Variants in WFS1 observed in about 807,000 individuals in gnomAD.
WFS1 encodes wolframin.
Under a neutral mutation model 68.5 loss-of-function variants are expected in WFS1, and 90 were observed. The ratio of observed to expected loss-of-function variants is 1.31; its 90% confidence interval spans 1.11 to 1.56. The LOEUF is 1.56. WFS1 is among the 40% of genes most tolerant of loss of function. WFS1 has a pLI of 0.00. For synonymous variants in WFS1, 860 were observed against 540.7 expected, an observed-to-expected ratio of 1.59 and a Z score of -8.19; for missense variants, 1,767 against 1,232.6, an observed-to-expected ratio of 1.43 and a Z score of -6.49.
Position 6,301,643 on chromosome 4 carries a change from C to T in WFS1, c.1848C>T (p.Ala616=), listed in dbSNP as rs750362420. Residue 616 remains alanine (A), a synonymous_variant, in exon 8 of 8, where the codon GCC becomes GCT. Coordinates refer to ENST00000226760, the MANE Select transcript of WFS1 (RefSeq NM_006005.3). ...TGCTGTTGCGCTGGTGGACCAAGGC[C>T]AGCTTCTCTGTGGTGGGGATGGTGA... ...VPLLLRWWTK[A]SFSVVGMVKS... 4 of 1,613,990 alleles carry T rather than the reference C, an allele frequency of 2.5e-6. No homozygotes were observed. Among genetic ancestry groups the T allele is most frequent in the African/African-American group, 1.3e-5 (1 of 74,950 alleles).
chr4:6,299,582 T>TGTGCAC (rs1730776460), intron 7 of WFS1, among the ~76,000 whole-genome samples: 1 of 48,028 alleles, frequency 2.1e-5, no homozygotes, highest in African/African-American at 8.6e-5. Context: ...TGTGTGTGAA[T>TGTGCAC]GTGTGTGTAG....
chr4:6,280,607 C>T (rs1358132401), intron 2 of WFS1, among the ~76,000 whole-genome samples: 2 of 152,320 alleles, frequency 1.3e-5, no homozygotes, highest in South Asian at 2.1e-4. Flanking sequence ...AGGGACAGGC[C>T]TGGTGCAGGT....
intron 2 of WFS1, among the ~76,000 whole-genome samples, 186 bp from the exon 3 acceptor site, chr4:6,286,907 G>A (rs1161562910): frequency 2.6e-5 from 4 of 152,202 alleles, no homozygotes; most frequent in African/African-American, 9.7e-5. Context: ...GCTTGTGACC[G>A]GAAGGCAAAC....
rs1184399381 is a variant in WFS1 at position 6,287,737 on chromosome 4, G to A, written c.315+562G>A. On this transcript the variant is annotated intron_variant, in intron 3 of 7. Coordinates refer to ENST00000226760, the MANE Select transcript of WFS1 (RefSeq NM_006005.3). This position sits in a 1 kb window ranked among gnomAD's most constrained non-coding sequence, Gnocchi z 6.4. ...CAGTGATTTTGAATTCTGGTGAGGGGAGAAGCCAGCAGAACGCTGAGACGG... is the reference window on the plus strand; with the variant it reads ...CAGTGATTTTGAATTCTGGTGAGGGAAGAAGCCAGCAGAACGCTGAGACGG... 6.6e-6 allele frequency among the ~76,000 whole-genome samples: 1 copy of A among 152,148 alleles called. No homozygotes were observed. Among genetic ancestry groups the A allele is most frequent in the Non-Finnish European group, 1.5e-5 (1 of 68,032 alleles).
chr4:6,290,397 G>C (rs1481064038), intron 4 of WFS1, among the ~76,000 whole-genome samples: 4 of 152,256 alleles, frequency 2.6e-5, no homozygotes, highest in African/African-American at 4.8e-5. Flanking sequence ...AGGGGGCTCA[G>C]GCGGCCCACA....
chr4:6,302,499 A>C lies in WFS1; in HGVS notation c.*31A>C, dbSNP rs755311664. On this transcript the variant is annotated 3_prime_UTR_variant, in exon 8 of 8. Coordinates refer to ENST00000226760, the MANE Select transcript of WFS1 (RefSeq NM_006005.3). ...GTCCGCCACGAGGAGCTTCCAGTGC[A>C]TGTTGCCATGAGGCCTTTCCCCAGT... 1 of 1,611,040 alleles carries C rather than the reference A, an allele frequency of 6.2e-7. No individual in the cohort carries two copies. The highest frequency in any genetic ancestry group is 8.5e-7 in the Non-Finnish European group (1 of 1,179,838).
chr4:6,300,782 C>T lies in WFS1; in HGVS notation c.987C>T (p.Phe329=), dbSNP rs762389457. 8.1e-6 allele frequency: 13 copies of T among 1,613,934 alleles called. No individual in the cohort carries two copies. Among genetic ancestry groups the T allele is most frequent in the South Asian group, 7.7e-5 (7 of 91,064 alleles). The stretch of plus-strand genomic sequence containing the variant: ...CGCACCACATCAACGCGCTCATCTT[C>T]TTCTTCATCGTCAGCAACCTCACCA... The part of the protein sequence containing the change: ...IPTHHINALI[F]FFIVSNLTID... Residue 329 remains phenylalanine, a synonymous_variant, in exon 8 of 8, where the codon TTC becomes TTT. Transcript: ENST00000226760.
At chr4:6,288,428 A>G in intron 3 of WFS1, 1 of 170,924 alleles carries the variant, frequency 5.9e-6, no homozygotes, top group East Asian at 1.6e-4. Flanking sequence ...AGGGCCAGAT[A>G]GTGAATATTC....
At chr4:6,273,063 T>A (rs998171103) in intron 1 of WFS1, among the ~76,000 whole-genome samples, 4 of 152,050 alleles carry the variant, frequency 2.6e-5, no homozygotes, top group Non-Finnish European at 4.4e-5. Flanking sequence ...TCAGAGAGAG[T>A]GAACATCATC....
At chr4:6,274,110 G>A (rs1312637943) in intron 1 of WFS1, among the ~76,000 whole-genome samples, 3 of 151,228 alleles carry the variant, frequency 2.0e-5, no homozygotes, top group Non-Finnish European at 2.9e-5. Flanking sequence ...GCAGTGGCGC[G>A]ATCTCGGCTC....
chr4:6,299,548 A>ATGTG (rs35994107), intron 7 of WFS1, among the ~76,000 whole-genome samples: 1 of 31,226 alleles, frequency 3.2e-5, no homozygotes, highest in African/African-American at 1.6e-4. Context: ...GGTTGTGTGA[A>ATGTG]TGTGTGTGTA....
At position 6,300,858 on chromosome 4, in the gene WFS1, A is replaced by G; in HGVS notation, c.1063A>G (p.Ile355Val). ...GCTGGTCATCTTCTACCTGTCCTTC[A>G]TCTCCATGGTGATCTGCACCCTCAA... ...IPLVIFYLSF[I>V]SMVICTLKVF... Residue 355 changes from isoleucine (I) to valine (V), a missense_variant, in exon 8 of 8, where the codon ATC becomes GTC. Physicochemically the swap from Ile to Val is conservative, Grantham distance 29. Transcript: ENST00000226760. The G allele has an allele frequency of 1.2e-6, 2 of 1,613,996 alleles. No homozygotes were observed. Among genetic ancestry groups the G allele is most frequent in the Non-Finnish European group, 1.7e-6 (2 of 1,180,016 alleles).
At position 6,283,293 on chromosome 4, in the gene WFS1, C is replaced by T. The variant is rs1283921855; in HGVS notation, c.233-3800C>T. On this transcript the variant is annotated intron_variant, in intron 2 of 7. Coordinates refer to ENST00000226760, the MANE Select transcript of WFS1 (RefSeq NM_006005.3). The surrounding 1 kb of genome is among the most constrained non-coding windows in gnomAD (Gnocchi z 5.0). ...ATGGTATCCAGCTCTGATCACACTG[C>T]TATTTTGTGATTGATAGGCAGACTT... 6.6e-6 allele frequency among the ~76,000 whole-genome samples: 1 copy of T among 152,198 alleles called. No individual in the cohort carries two copies. Among genetic ancestry groups the T allele is most frequent in the Non-Finnish European group, 1.5e-5 (1 of 68,028 alleles).
intron 1 of WFS1, among the ~76,000 whole-genome samples, chr4:6,274,224 T>C (rs1021131906): frequency 2.0e-5 from 3 of 152,054 alleles, no homozygotes; most frequent in Admixed American, 6.6e-5. Flanking sequence ...TTTTTTTGTA[T>C]TTTTAATAGA....
At chr4:6,284,043 A>AGCTG (rs1281788302) in intron 2 of WFS1, among the ~76,000 whole-genome samples, 1 of 152,062 alleles carries the variant, frequency 6.6e-6, no homozygotes, top group Non-Finnish European at 1.5e-5. Flanking sequence ...GCCATATGGA[A>AGCTG]GCTGGAATAA....
At chr4:6,289,386 T>C (rs1180574454) in intron 4 of WFS1, among the ~76,000 whole-genome samples, 1 of 152,250 alleles carries the variant, frequency 6.6e-6, no homozygotes, top group Non-Finnish European at 1.5e-5. Context: ...TACATCCTGC[T>C]TCCCTGCTGG....
rs765322804 is a variant in WFS1, at chr4:6,301,744, A to T, written c.1949A>T (p.Tyr650Phe). Residue 650 changes from tyrosine (Y) to phenylalanine (F), a missense_variant, in exon 8 of 8, where the codon TAT (tyrosine) becomes TTT (phenylalanine). Physicochemically the swap from Tyr to Phe is conservative, Grantham distance 22. Transcript: ENST00000226760. ...LTAIVLFCWF[Y>F]VYRSEGMKVY... is the part of the protein sequence containing the mutation. ...GCCATCGTGCTGTTCTGCTGGTTCT[A>T]TGTGTACCGCTCAGAGGGCATGAAG... 2 of 1,613,790 alleles carry T rather than the reference A, an allele frequency of 1.2e-6. No individual in the cohort carries two copies. Among genetic ancestry groups the T allele is most frequent in the Non-Finnish European group, 1.7e-6 (2 of 1,179,992 alleles).
At chr4:6,292,071 C>T (rs1364948721) in intron 6 of WFS1, 74 bp downstream of exon 6, 36 of 1,452,986 alleles carry the variant, frequency 2.5e-5, no homozygotes, top group Non-Finnish European at 3.3e-5. Flanking sequence ...CCTTCCTGTG[C>T]GACTCCATCC....
At chr4:6,272,161 G>A (rs1156990726) in intron 1 of WFS1, among the ~76,000 whole-genome samples, 1 of 152,242 alleles carries the variant, frequency 6.6e-6, no homozygotes, top group Non-Finnish European at 1.5e-5. Context: ...CTGTTTAGGT[G>A]TTAACCCTTC....
Sources: allele counts gnomAD v4.1 joint callset (sites outside exome capture counted in the v4.1 genomes callset), GRCh38; gene constraint gnomAD v4.1.1; non-coding constraint Gnocchi (gnomAD v3.1); transcripts MANE v1.5; gene names NCBI Gene and HGNC (gene_info 2026-07-23, HGNC 2026-07-21).